METTL15: variants seen among roughly 807,000 people sequenced by gnomAD.
METTL15 encodes the protein 12S rRNA N(4)-cytidine methyltransferase METTL15.
A neutral mutation model predicts 38.3 loss-of-function variants in METTL15; 34 were observed. That is an observed-to-expected ratio of 0.89 (90% CI 0.68 to 1.18). The LOEUF (loss-of-function observed/expected upper bound fraction) is 1.18, where lower values mean the gene tolerates loss of function less well. Among genes scored for constraint, METTL15 ranks in the 50% most tolerant of loss-of-function variants. The pLI is 0.00. For synonymous variants in METTL15, 162 were observed against 170.9 expected, an observed-to-expected ratio of 0.95 and a Z score of 0.41; for missense variants, 438 against 498.4, an observed-to-expected ratio of 0.88 and a Z score of 1.15.
At chr11:28,154,075 A>G (rs994066710) in intron 3 of METTL15, among the ~76,000 whole-genome samples, 4 of 152,116 alleles carry the variant, frequency 2.6e-5, no homozygotes, top group African/African-American at 7.2e-5. Flanking sequence ...TGATTCTTTC[A>G]TGTGTAACTC....
intron 6 of METTL15, among the ~76,000 whole-genome samples, chr11:28,475,931 TG>T (rs1851342831): frequency 6.6e-6 from 1 of 152,188 alleles, no homozygotes; most frequent in African/African-American, 2.4e-5. Flanking sequence ...CCTCTCCTCC[TG>T]CTACCACCTA....
chr11:28,286,107 G>T (rs1053951892), intron 4 of METTL15, among the ~76,000 whole-genome samples: 1 of 152,116 alleles, frequency 6.6e-6, no homozygotes, highest in African/African-American at 2.4e-5. Flanking sequence ...TCACCTGATT[G>T]TGGGGTCTGA....
intron 6 of METTL15, among the ~76,000 whole-genome samples, chr11:28,480,507 A>G (rs1174906221): frequency 6.6e-6 from 1 of 152,214 alleles, no homozygotes; most frequent in Non-Finnish European, 1.5e-5. Context: ...GTGTTTAACA[A>G]TCTGCTCACC....
chr11:28,433,168 T>G (rs868229773), intron 6 of METTL15, among the ~76,000 whole-genome samples: 18 of 114,374 alleles, frequency 1.6e-4, no homozygotes, highest in Admixed American at 4.8e-4. Flanking sequence ...GTTTTGTTTT[T>G]TTTGTTTTTT....
At chr11:28,176,468 ACTC>A (rs1391124842) in intron 3 of METTL15, among the ~76,000 whole-genome samples, 1 of 152,066 alleles carries the variant, frequency 6.6e-6, no homozygotes, top group Non-Finnish European at 1.5e-5. Flanking sequence ...ATGTTACTCT[ACTC>A]CTCTGTGTAC....
chr11:28,193,270 G>T (rs931538002), intron 3 of METTL15, among the ~76,000 whole-genome samples: 2 of 152,080 alleles, frequency 1.3e-5, no homozygotes, highest in Non-Finnish European at 2.9e-5. Context: ...ATAAAGAAAA[G>T]AAGTTCTTTT....
intron 6 of METTL15, among the ~76,000 whole-genome samples, chr11:28,320,692 A>G (rs980276119): frequency 1.3e-5 from 2 of 152,204 alleles, no homozygotes; most frequent in African/African-American, 4.8e-5. Context: ...CTCAGGTGGC[A>G]AGAGAAATCT....
intron 6 of METTL15, among the ~76,000 whole-genome samples, chr11:28,315,890 A>C (rs914430325): frequency 1.3e-5 from 2 of 152,206 alleles, no homozygotes; most frequent in African/African-American, 4.8e-5. Context: ...CACAGAAGTC[A>C]AGAATTGGGG....
chr11:28,170,392 C>A (rs1385714151), intron 3 of METTL15, among the ~76,000 whole-genome samples: 3 of 152,020 alleles, frequency 2.0e-5, no homozygotes, highest in Admixed American at 6.6e-5. Context: ...TCAATCCAGA[C>A]CCCAAGAGAG....
chr11:28,401,865 G>T (rs1238871304), intron 5 of METTL15, among the ~76,000 whole-genome samples: 1 of 151,934 alleles, frequency 6.6e-6, no homozygotes, highest in Non-Finnish European at 1.5e-5. Flanking sequence ...TACTTTCATT[G>T]TAATTCAAGG....
At chr11:28,465,005 C>A (rs1229854975) in intron 6 of METTL15, among the ~76,000 whole-genome samples, 1 of 152,202 alleles carries the variant, frequency 6.6e-6, no homozygotes, top group African/African-American at 2.4e-5. Flanking sequence ...CACTCTATTT[C>A]CTTTTCTGCC....
At chr11:28,518,455 G>T (rs1187284347) in intron 6 of METTL15, among the ~76,000 whole-genome samples, 3 of 152,196 alleles carry the variant, frequency 2.0e-5, no homozygotes, top group East Asian at 3.9e-4. Flanking sequence ...CAGCGAGGTG[G>T]CTGCATCATT....
chr11:28,126,876 C>T (rs1313946506), intron 3 of METTL15, among the ~76,000 whole-genome samples: 1 of 151,954 alleles, frequency 6.6e-6, no homozygotes, highest in Non-Finnish European at 1.5e-5. Flanking sequence ...GATCTCCGAA[C>T]AGGAGGATTT....
chr11:28,165,057 G>A (rs545280061), intron 3 of METTL15, among the ~76,000 whole-genome samples: 31 of 152,136 alleles, frequency 2.0e-4, no homozygotes, highest in African/African-American at 7.5e-4. Context: ...TCCATTATGT[G>A]TATGTACTAC....
intron 3 of METTL15, among the ~76,000 whole-genome samples, chr11:28,205,541 A>G (rs1317838645): frequency 3.9e-5 from 6 of 152,022 alleles, no homozygotes; most frequent in South Asian, 2.1e-4. Flanking sequence ...GGTCTTTGCT[A>G]TTGTGAATAG....
intron 3 of METTL15, among the ~76,000 whole-genome samples, chr11:28,160,786 C>T (rs937175719): frequency 6.6e-6 from 1 of 151,912 alleles, no homozygotes; most frequent in Non-Finnish European, 1.5e-5. Flanking sequence ...TACTATATAA[C>T]CATAATAATA....
intron 3 of METTL15, among the ~76,000 whole-genome samples, chr11:28,117,259 GTATATATATATA>G (rs60938215): frequency 0.14 from 14,966 of 108,486 alleles, 1,071 homozygotes; most frequent in East Asian, 0.21. Flanking sequence ...GTGTGTGTGT[GTATATATATATA>G]TATATATATA....
At chr11:28,371,812 C>T (rs1164702216) in intron 5 of METTL15, among the ~76,000 whole-genome samples, 2 of 151,984 alleles carry the variant, frequency 1.3e-5, no homozygotes, top group Non-Finnish European at 2.9e-5. Flanking sequence ...TTGGTATATA[C>T]AAATGCTACT....
intron 3 of METTL15, among the ~76,000 whole-genome samples, chr11:28,154,303 C>T (rs772732030): frequency 1.3e-4 from 19 of 151,982 alleles, no homozygotes; most frequent in Non-Finnish European, 2.5e-4. Flanking sequence ...CTCACTTGTA[C>T]GATGTGGATA....
Sources: allele counts gnomAD v4.1 joint callset (sites outside exome capture counted in the v4.1 genomes callset), GRCh38; gene constraint gnomAD v4.1.1; transcripts MANE v1.5; gene names NCBI Gene and HGNC (gene_info 2026-07-23, HGNC 2026-07-21).